The following MED12L variants were observed in gnomAD, a reference collection of about 807,000 sequenced individuals.
The protein encoded by MED12L is mediator of RNA polymerase II transcription subunit 12-like protein.
Under a neutral mutation model 281.3 loss-of-function variants are expected in MED12L, and 60 were observed. That is an observed-to-expected ratio of 0.21 (90% CI 0.17 to 0.26). The LOEUF is 0.26. Among genes scored for constraint, MED12L ranks in the 10% least tolerant of loss-of-function variants. The pLI, the probability that MED12L is intolerant of heterozygous loss-of-function variation, is 1.00. For synonymous variants in MED12L, 974 were observed against 987.2 expected, an observed-to-expected ratio of 0.99 and a Z score of 0.25; for missense variants, 2,146 against 2,680.9, an observed-to-expected ratio of 0.80 and a Z score of 4.41.
Position 151,434,702 on chromosome 3 carries a change from C to T in MED12L, c.*1898C>T, listed in dbSNP as rs1719900312. 6.6e-6 allele frequency: 1 copy of T among 152,180 alleles called. No homozygotes were observed. The highest frequency in any genetic ancestry group is 1.5e-5 in the Non-Finnish European group (1 of 68,038). 9.4% of individuals were successfully genotyped at this position (152,180 alleles called of 1,614,324 possible). A position where few individuals can be genotyped will look rare whatever the true frequency, so the allele number is the denominator to read the frequency against. On this transcript the variant is annotated 3_prime_UTR_variant, in exon 45 of 45. Transcript: ENST00000687756. ...TGTGCCTAGTGAGTGAGTCATGTTC[C>T]ATCATTATTTCTTTCCAAATTTCTT...
intron 25 of MED12L, among the ~76,000 whole-genome samples, chr3:151,368,694 C>T (rs201162251): frequency 0.16 from 5,501 of 35,126 alleles, 169 homozygotes; most frequent in South Asian, 0.25. Flanking sequence ...CATTTTATTT[C>T]ATTTCATTTC....
At chr3:151,352,128 A>G (rs1378100518) in intron 17 of MED12L, among the ~76,000 whole-genome samples, 2 of 152,216 alleles carry the variant, frequency 1.3e-5, no homozygotes, top group Admixed American at 6.5e-5. Flanking sequence ...TACACTTTAT[A>G]TACATACCCT....
intron 16 of MED12L, among the ~76,000 whole-genome samples, chr3:151,286,104 C>G (rs1379348116): frequency 1.3e-5 from 2 of 152,182 alleles, no homozygotes; most frequent in East Asian, 3.9e-4. Context: ...ATCAGTCTCT[C>G]TCAGGAGAAT....
intron 16 of MED12L, among the ~76,000 whole-genome samples, chr3:151,306,818 C>A (rs1282844561): frequency 6.6e-6 from 1 of 152,180 alleles, no homozygotes; most frequent in Non-Finnish European, 1.5e-5. Context: ...AATGCTGGCT[C>A]CCTAAATGCA....
intron 3 of MED12L, among the ~76,000 whole-genome samples, chr3:151,118,719 A>G (rs1297921723): frequency 2.0e-5 from 3 of 149,510 alleles, no homozygotes; most frequent in African/African-American, 7.4e-5. Context: ...TACAAGGTGG[A>G]GTCTTGCTCC....
intron 16 of MED12L, among the ~76,000 whole-genome samples, chr3:151,321,743 AG>A (rs1389616342): frequency 2.0e-5 from 3 of 152,222 alleles, no homozygotes; most frequent in Non-Finnish European, 4.4e-5. Context: ...TTAAAGAACT[AG>A]TTTACTTCCT....
chr3:151,394,925 G>A (rs1714765518), intron 39 of MED12L, 58 bp downstream of exon 39: 6 of 1,606,784 alleles, frequency 3.7e-6, no homozygotes, highest in Non-Finnish European at 5.1e-6. Flanking sequence ...GCTAGCTTGG[G>A]ATAAGTTTGG....
intron 16 of MED12L, among the ~76,000 whole-genome samples, chr3:151,223,379 A>G (rs1729800441): frequency 6.6e-6 from 1 of 152,178 alleles, no homozygotes; most frequent in African/African-American, 2.4e-5. Context: ...TACCAAAAAG[A>G]CACCTTCATT....
chr3:151,209,817 T>A (rs977698780), intron 16 of MED12L, among the ~76,000 whole-genome samples: 1 of 152,130 alleles, frequency 6.6e-6, no homozygotes. Context: ...TGTGTGAGGG[T>A]GTTTTCTAGA....
At chr3:151,409,041 G>C (rs1205786558) in intron 39 of MED12L, among the ~76,000 whole-genome samples, 2 of 152,202 alleles carry the variant, frequency 1.3e-5, no homozygotes, top group African/African-American at 4.8e-5. Context: ...GGGAAAATCT[G>C]TAGTCTTCTT....
chr3:151,417,487 C>CCCCTTTT (rs1717736742), intron 43 of MED12L, among the ~76,000 whole-genome samples: 3 of 78,824 alleles, frequency 3.8e-5, no homozygotes, highest in African/African-American at 5.0e-5. Flanking sequence ...CCCCCCCCGC[C>CCCCTTTT]TTTTTTTTTT....
intron 11 of MED12L, among the ~76,000 whole-genome samples, chr3:151,181,206 T>C (rs1413434807): frequency 2.0e-5 from 3 of 152,134 alleles, no homozygotes; most frequent in East Asian, 1.9e-4. Flanking sequence ...ATCTCTTTGG[T>C]ATTAAAAATA....
At chr3:151,200,184 C>A (rs1436095261) in intron 16 of MED12L, among the ~76,000 whole-genome samples, 1 of 150,132 alleles carries the variant, frequency 6.7e-6, no homozygotes, top group Non-Finnish European at 1.5e-5. Context: ...ACTGTGATCA[C>A]CACTGATAAT....
At chr3:151,420,261 G>A (rs1416159955) in intron 43 of MED12L, among the ~76,000 whole-genome samples, 2 of 152,180 alleles carry the variant, frequency 1.3e-5, no homozygotes, top group East Asian at 3.9e-4. Flanking sequence ...GATAGTCCGG[G>A]TCAGTCACCC....
chr3:151,177,139 A>G lies in MED12L; in HGVS notation c.1495-8191A>G, dbSNP rs571057919. ...GTTTTATTTTCTGTGTATCAATTAG[A>G]TTAGAAGTCCAGCTTGTCCCTAGAG... On this transcript the variant is annotated intron_variant, in intron 11 of 44. Coordinates refer to ENST00000687756, the MANE Select transcript of MED12L (RefSeq NM_001393769.1). Among the ~76,000 whole-genome samples, 76 of 152,314 alleles carry G rather than the reference A, an allele frequency of 5.0e-4. 1 individual carries two copies. Among genetic ancestry groups the G allele is most frequent in the African/African-American group, 1.7e-3 (72 of 41,582 alleles).
In MED12L at chr3:151,366,007, C is replaced by A; in HGVS notation, c.3327+16C>A. 6.5e-7 allele frequency: 1 copy of A among 1,528,896 alleles called. No individual in the cohort carries two copies. Among genetic ancestry groups the A allele is most frequent in the Non-Finnish European group, 8.8e-7 (1 of 1,138,408 alleles). The allele number at this position is 1,528,896 out of a possible 1,614,324, so 94.7% of individuals were successfully genotyped here. On this transcript the variant is annotated intron_variant, in intron 23 of 44. Transcript: ENST00000687756. Reference sequence around the variant, plus strand: ...CACTGTAGATGTAAGTTTTCTTTTTCATTTAAAAATTGAACTGTGCAATTA... The same window carrying A: ...CACTGTAGATGTAAGTTTTCTTTTTAATTTAAAAATTGAACTGTGCAATTA...
intron 2 of MED12L, among the ~76,000 whole-genome samples, chr3:151,094,230 G>A (rs1003696870): frequency 1.3e-5 from 2 of 152,198 alleles, no homozygotes; most frequent in Admixed American, 6.5e-5. Flanking sequence ...GAACTGTGAT[G>A]TATTTCTTCT....
At chr3:151,332,205 G>A (rs1450886640) in intron 16 of MED12L, among the ~76,000 whole-genome samples, 1 of 152,080 alleles carries the variant, frequency 6.6e-6, no homozygotes, top group Non-Finnish European at 1.5e-5. Context: ...GTCTTATTTG[G>A]GATTTCTCAG....
intron 5 of MED12L, among the ~76,000 whole-genome samples, chr3:151,137,172 GAAAA>G (rs776196596): frequency 4.0e-5 from 5 of 125,708 alleles, no homozygotes; most frequent in South Asian, 2.7e-4. Context: ...AAAAAAAAAA[GAAAA>G]AAAAAAAAAA....
Sources: gnomAD v4.1 joint callset for allele counts (sites outside exome capture counted in the v4.1 genomes callset) on GRCh38, gnomAD v4.1.1 for gene constraint, MANE v1.5 for transcripts, NCBI Gene and HGNC (gene_info 2026-07-23, HGNC 2026-07-21) for gene names.